SP100: variants seen among roughly 807,000 people sequenced by gnomAD.
SP100 encodes the protein SP100 nuclear body protein.
In SP100, 84 loss-of-function variants were observed where a neutral mutation model predicts 130.0. The observed-to-expected ratio is 0.65, with a 90% CI of 0.54 to 0.77. SP100 has a LOEUF of 0.77. Ranked by LOEUF, SP100 falls within the 30% of genes least tolerant of loss-of-function variation. The probability of loss-of-function intolerance (pLI) is 0.00; values close to 1 mark genes in which losing one functional copy is unlikely to be tolerated. For missense variants in SP100, 978 were observed against 1,052.2 expected (o/e 0.93, Z 0.97); for synonymous variants, 331 against 351.7 (o/e 0.94, Z 0.66).
intron 2 of SP100, among the ~76,000 whole-genome samples, chr2:230,418,276 T>G (rs1559477156): frequency 6.6e-6 from 1 of 152,218 alleles, no homozygotes; most frequent in Non-Finnish European, 1.5e-5. Context: ...GTTTCTTGTT[T>G]CTTGTCATTT....
At chr2:230,416,800 T>A in intron 1 of SP100, 1 of 985,958 alleles carries the variant, frequency 1.0e-6, no homozygotes, top group Non-Finnish European at 1.2e-6. Flanking sequence ...CTCTGCCGGC[T>A]GTTCCCATGA....
intron 13 of SP100, 27 bp from the exon 14 acceptor site, chr2:230,469,016 T>C (rs1352692346): frequency 1.4e-6 from 2 of 1,420,452 alleles, no homozygotes; most frequent in Non-Finnish European, 2.0e-6. Context: ...TTAGATATTA[T>C]TGATTTGGTT....
intron 2 of SP100, among the ~76,000 whole-genome samples, chr2:230,440,917 A>AATATTTCTTAG (rs1489686198): frequency 6.2e-4 from 94 of 152,264 alleles, no homozygotes; most frequent in African/African-American, 1.9e-3. Context: ...GGAGTAGGCA[A>AATATTTCTTAG]ATATTTCTTA....
In SP100 at chr2:230,498,398, G is replaced by A. The variant is rs1276147373; in HGVS notation, c.1646-63G>A. 2.8e-5 allele frequency: 27 copies of A among 973,786 alleles called. 1 individual carries two copies. The highest frequency in any genetic ancestry group is 3.6e-5 in the Non-Finnish European group (24 of 675,724). The allele number at this position is 973,786 out of a possible 1,614,324, so 60.3% of individuals were successfully genotyped here. A position where few individuals can be genotyped will look rare whatever the true frequency, so the allele number is the denominator to read the frequency against. On this transcript the variant is annotated intron_variant, in intron 18 of 28. Transcript: ENST00000340126. ...TTATAGCTAAATAAAATTTTTGAAAGCACTATTATATATAATGTGAGTTTT... is the reference window on the plus strand; with the variant it reads ...TTATAGCTAAATAAAATTTTTGAAAACACTATTATATATAATGTGAGTTTT...
intron 2 of SP100, among the ~76,000 whole-genome samples, chr2:230,438,648 T>TATATATACACACACACAC (rs1246055755): frequency 1.6e-5 from 2 of 127,402 alleles, no homozygotes; most frequent in Non-Finnish European, 3.3e-5. Flanking sequence ...TGTATATATA[T>TATATATACACACACACAC]ACACACACAC....
At chr2:230,506,190 C>T in intron 21 of SP100, 113 bp from the exon 22 acceptor site, 1 of 1,104,232 alleles carries the variant, frequency 9.1e-7, no homozygotes. Flanking sequence ...AAAATTCAGA[C>T]TTTACTGCTA....
intron 17 of SP100, among the ~76,000 whole-genome samples, chr2:230,488,505 C>T (rs929097911): frequency 6.6e-6 from 1 of 152,122 alleles, no homozygotes; most frequent in Admixed American, 6.5e-5. Flanking sequence ...GCTCCGCCTC[C>T]CAGGTTCACG....
chr2:230,459,913 G>A (rs184076012), intron 8 of SP100, among the ~76,000 whole-genome samples: 1 of 152,276 alleles, frequency 6.6e-6, no homozygotes. Context: ...GATCAACACT[G>A]CTTGGAGTGG....
intron 24 of SP100, among the ~76,000 whole-genome samples, chr2:230,530,662 A>G (rs1691659432): frequency 6.6e-6 from 1 of 152,258 alleles, no homozygotes; most frequent in Non-Finnish European, 1.5e-5. Flanking sequence ...ATGGGAGAAT[A>G]TCTTTGCAAT....
At chr2:230,468,904 C>A in intron 13 of SP100, 139 bp from the exon 14 acceptor site, 3 of 432,504 alleles carry the variant, frequency 6.9e-6, no homozygotes, top group East Asian at 4.4e-5. Flanking sequence ...ATAGTAATCT[C>A]TTTCCCTTAG....
Position 230,514,204 on chromosome 2 carries a change from A to G in SP100, c.2094+3038A>G, listed in dbSNP as rs558130156. On this transcript the variant is annotated intron_variant, in intron 24 of 28. Coordinates refer to ENST00000340126, the MANE Select transcript of SP100 (RefSeq NM_001080391.2). ...GAGTAACCAAATGAACAAGTCATCA[A>G]TTTATAGTTGCTGTTGCTAGTCTTC... is the stretch of plus-strand genomic sequence containing the variant. Among the ~76,000 whole-genome samples the G allele has an allele frequency of 3.9e-5, 6 of 152,316 alleles. No homozygotes were observed. The East Asian group carries it at 1.2e-3, about 29-fold the overall frequency.
chr2:230,534,472 T>C (rs1211589164), intron 24 of SP100, among the ~76,000 whole-genome samples: 2 of 152,250 alleles, frequency 1.3e-5, no homozygotes. Context: ...TATTTTGTAA[T>C]ATCAAATGTC....
chr2:230,520,574 A>G (rs1293022194), intron 24 of SP100: 1 of 152,246 alleles, frequency 6.6e-6, no homozygotes, highest in Non-Finnish European at 1.5e-5. Flanking sequence ...CAATGTGTTC[A>G]TTGCCAGTAC....
intron 1 of SP100, among the ~76,000 whole-genome samples, chr2:230,417,074 A>G (rs1386158218): frequency 1.3e-5 from 2 of 152,240 alleles, no homozygotes; most frequent in African/African-American, 4.8e-5. Context: ...AATTTAAAAC[A>G]GTGGAGAAGT....
intron 18 of SP100, among the ~76,000 whole-genome samples, chr2:230,495,732 C>G (rs1276591903): frequency 6.6e-6 from 1 of 152,156 alleles, no homozygotes; most frequent in Non-Finnish European, 1.5e-5. Context: ...CTTTGTCTCT[C>G]TTTTATTTCC....
At chr2:230,528,254 T>G (rs912507552) in intron 24 of SP100, among the ~76,000 whole-genome samples, 1 of 152,186 alleles carries the variant, frequency 6.6e-6, no homozygotes, top group African/African-American at 2.4e-5. Context: ...GTAATTAAAT[T>G]AGAACTCAAG....
chr2:230,462,302 C>A, intron 9 of SP100, 133 bp from the exon 10 acceptor site: 1 of 622,616 alleles, frequency 1.6e-6, no homozygotes, highest in Non-Finnish European at 2.8e-6. Flanking sequence ...GGCATGCATT[C>A]AAGGAACACC....
chr2:230,417,116 G>A (rs1174559353), intron 1 of SP100, among the ~76,000 whole-genome samples: 1 of 152,144 alleles, frequency 6.6e-6, no homozygotes, highest in Non-Finnish European at 1.5e-5. Context: ...TTGCCACTCA[G>A]CCATTCTTGT....
chr2:230,423,435 C>A (rs1388642081), intron 2 of SP100, among the ~76,000 whole-genome samples: 1 of 151,992 alleles, frequency 6.6e-6, no homozygotes, highest in African/African-American at 2.4e-5. Context: ...TTTCAATGAA[C>A]CACCTTTTGG....
Sources: allele counts gnomAD v4.1 joint callset (sites outside exome capture counted in the v4.1 genomes callset), GRCh38; gene constraint gnomAD v4.1.1; transcripts MANE v1.5; gene names NCBI Gene and HGNC (gene_info 2026-07-23, HGNC 2026-07-21).